STX8: variants seen among roughly 807,000 people sequenced by gnomAD.
STX8 encodes syntaxin-8.
Under a neutral mutation model 37.5 loss-of-function variants are expected in STX8, and 23 were observed. The observed-to-expected ratio is 0.61, with a 90% CI of 0.44 to 0.87. The LOEUF is 0.87. Among genes scored for constraint, STX8 ranks in the 40% least tolerant of loss-of-function variants. The pLI is 0.00. For synonymous variants in STX8, 115 were observed against 99.1 expected (o/e 1.16, Z -0.95); for missense variants, 313 against 284.7 (o/e 1.10, Z -0.71).
intron 5 of STX8, among the ~76,000 whole-genome samples, chr17:9,500,244 T>G (rs1904562514): frequency 6.6e-6 from 1 of 152,204 alleles, no homozygotes; most frequent in Admixed American, 6.5e-5. Flanking sequence ...GGCACCAGAC[T>G]TCCTTCTGGA....
intron 6 of STX8, among the ~76,000 whole-genome samples, chr17:9,387,722 A>G (rs1912065542): frequency 6.6e-6 from 1 of 152,220 alleles, no homozygotes. Flanking sequence ...ACCGAATACA[A>G]TCAGTATTGC....
intron 7 of STX8, among the ~76,000 whole-genome samples, chr17:9,366,763 T>C (rs952651093): frequency 1.3e-5 from 2 of 152,162 alleles, no homozygotes; most frequent in East Asian, 1.9e-4. Flanking sequence ...TCCCATTTGA[T>C]TGAGCCCTCC....
chr17:9,571,494 G>GT (rs1555538672), intron 1 of STX8, among the ~76,000 whole-genome samples: 3 of 151,056 alleles, frequency 2.0e-5, no homozygotes, highest in Non-Finnish European at 2.9e-5. Flanking sequence ...GGGTCGGGGG[G>GT]TGGCTGAGGC....
intron 6 of STX8, among the ~76,000 whole-genome samples, chr17:9,483,236 T>G (rs1431099403): frequency 6.6e-6 from 1 of 152,042 alleles, no homozygotes; most frequent in African/African-American, 2.4e-5. Flanking sequence ...ATTCCAGCTT[T>G]TAGAGCTTCA....
chr17:9,274,408 T>A (rs897754718), intron 7 of STX8, among the ~76,000 whole-genome samples: 2 of 151,958 alleles, frequency 1.3e-5, no homozygotes, highest in Non-Finnish European at 2.9e-5. Flanking sequence ...CTCCCAGCAC[T>A]TTGGGAGGCT....
chr17:9,540,753 A>C (rs1412281963), intron 4 of STX8: 4 of 152,210 alleles, frequency 2.6e-5, no homozygotes, highest in Non-Finnish European at 5.9e-5. Flanking sequence ...TTCTTCTAGA[A>C]CCTTATTCTG....
At chr17:9,369,031 C>T (rs1911319169) in intron 7 of STX8, among the ~76,000 whole-genome samples, 1 of 152,118 alleles carries the variant, frequency 6.6e-6, no homozygotes, top group Admixed American at 6.6e-5. Flanking sequence ...AGGGATCCTC[C>T]CATCCCAGCC....
intron 6 of STX8, among the ~76,000 whole-genome samples, chr17:9,474,897 A>G (rs1200764188): frequency 6.6e-6 from 1 of 152,124 alleles, no homozygotes; most frequent in Non-Finnish European, 1.5e-5. Flanking sequence ...GCTTGAATCC[A>G]GGAGGCAGAG....
intron 7 of STX8, among the ~76,000 whole-genome samples, chr17:9,377,040 T>TG (rs1911616561): frequency 6.6e-6 from 1 of 152,054 alleles, no homozygotes. Flanking sequence ...GGAGACCCCA[T>TG]GGGGCTCCAC....
At chr17:9,272,747 C>T (rs1279143783) in intron 7 of STX8, among the ~76,000 whole-genome samples, 1 of 152,220 alleles carries the variant, frequency 6.6e-6, no homozygotes, top group East Asian at 1.9e-4. Context: ...TTTACGCCCG[C>T]TGGAACACTT....
intron 6 of STX8, among the ~76,000 whole-genome samples, chr17:9,387,134 C>A (rs569088527): frequency 6.6e-6 from 1 of 152,172 alleles, no homozygotes; most frequent in Admixed American, 6.5e-5. Flanking sequence ...CTTTAGCAAA[C>A]GCTCAAAGGA....
At chr17:9,543,292 G>GTACTTTTTTTTTTT (rs371620984) in intron 4 of STX8, among the ~76,000 whole-genome samples, 1 of 33,972 alleles carries the variant, frequency 2.9e-5, no homozygotes, top group African/African-American at 1.6e-4. Context: ...CTAGAAGACA[G>GTACTTTTTTTTTTT]TTTTTTGGTT....
intron 7 of STX8, among the ~76,000 whole-genome samples, chr17:9,340,753 G>A (rs1249853858): frequency 1.4e-5 from 2 of 144,492 alleles, no homozygotes; most frequent in African/African-American, 5.1e-5. Context: ...TGCCTCCCGG[G>A]TTCAAGCGAT....
chr17:9,422,232 G>C (rs559402302), intron 6 of STX8, among the ~76,000 whole-genome samples: 3 of 151,808 alleles, frequency 2.0e-5, no homozygotes, highest in Admixed American at 1.3e-4. Flanking sequence ...AGCCTCCCCA[G>C]TAACTGGGAT....
At chr17:9,468,764 T>C (rs928840393) in intron 6 of STX8, among the ~76,000 whole-genome samples, 2 of 152,186 alleles carry the variant, frequency 1.3e-5, no homozygotes, top group African/African-American at 4.8e-5. Context: ...TGATCAAGGC[T>C]GGGGCATATA....
At chr17:9,285,757 C>A (rs1418405615) in intron 7 of STX8, among the ~76,000 whole-genome samples, 2 of 152,176 alleles carry the variant, frequency 1.3e-5, no homozygotes, top group African/African-American at 4.8e-5. Context: ...GTACATGTAC[C>A]AATGCCTGGT....
chr17:9,557,541 G>C lies in STX8; in HGVS notation c.118-13C>G. Reference sequence around the variant, plus strand: ...TTGTCACGGTAAGCTGAAAAGAAAAGAACACATCCTAAGTATTCTAGTCCA... The same window carrying C: ...TTGTCACGGTAAGCTGAAAAGAAAACAACACATCCTAAGTATTCTAGTCCA... On this transcript the variant is annotated splice_polypyrimidine_tract_variant and intron_variant, in intron 2 of 7. Coordinates refer to ENST00000306357, the MANE Select transcript of STX8 (RefSeq NM_004853.3). 6.2e-7 allele frequency: 1 copy of C among 1,611,262 alleles called. No individual in the cohort carries two copies. Among genetic ancestry groups the C allele is most frequent in the Non-Finnish European group, 8.5e-7 (1 of 1,177,588 alleles).
chr17:9,559,736 A>ATG (rs1907129706), intron 2 of STX8, among the ~76,000 whole-genome samples: 2 of 28,396 alleles, frequency 7.0e-5, no homozygotes, highest in Non-Finnish European at 1.3e-4. Context: ...TTATTATTTT[A>ATG]TATATATATA....
rs147265096 is a variant in STX8, at chr17:9,526,127, T to C, written c.323+19045A>G. 1.9e-3 allele frequency among the ~76,000 whole-genome samples: 289 copies of C among 151,960 alleles called. 3 individuals carry two copies. The highest frequency in any genetic ancestry group is 6.6e-3 in the African/African-American group (273 of 41,440). Reference sequence around the variant, plus strand: ...TCAAAGCCAGTGGGAAAGGAATACATGAGGGCCCCTGAAAGGGAATCATGG... The same window carrying C: ...TCAAAGCCAGTGGGAAAGGAATACACGAGGGCCCCTGAAAGGGAATCATGG... On this transcript the variant is annotated intron_variant, in intron 4 of 7. Coordinates refer to ENST00000306357, the MANE Select transcript of STX8 (RefSeq NM_004853.3).
Sources: gnomAD v4.1 joint callset for allele counts (sites outside exome capture counted in the v4.1 genomes callset) on GRCh38, gnomAD v4.1.1 for gene constraint, MANE v1.5 for transcripts, NCBI Gene and HGNC (gene_info 2026-07-23, HGNC 2026-07-21) for gene names.